Variants in ESR1 observed in about 807,000 individuals in gnomAD.
The protein encoded by ESR1 is estrogen receptor.
A neutral mutation model predicts 52.7 loss-of-function variants in ESR1; 12 were observed. The ratio of observed to expected loss-of-function variants is 0.23; its 90% CI spans 0.15 to 0.37. The LOEUF (loss-of-function observed/expected upper bound fraction) is 0.37. Ranked by LOEUF, ESR1 falls within the 10% of genes least tolerant of loss-of-function variation. The probability of loss-of-function intolerance (pLI) is 1.00; values close to 1 mark genes in which losing one functional copy is unlikely to be tolerated. For missense variants in ESR1, 584 were observed against 779.7 expected (o/e 0.75, Z 2.99); for synonymous variants, 305 against 316.8 (o/e 0.96, Z 0.39).
intron 2 of ESR1, among the ~76,000 whole-genome samples, chr6:151,861,633 G>A (rs907719866): frequency 3.3e-5 from 5 of 152,156 alleles, no homozygotes; most frequent in African/African-American, 1.2e-4. Flanking sequence ...GTTCATCTGG[G>A]TTAGGGTCTC....
At chr6:151,793,264 G>A (rs1452803757) in intron 2 of ESR1, among the ~76,000 whole-genome samples, 1 of 151,782 alleles carries the variant, frequency 6.6e-6, no homozygotes, top group Admixed American at 6.6e-5. Context: ...GATCATCAAT[G>A]TCACTGTCTT....
At position 152,023,866 on chromosome 6, in the gene ESR1, A is replaced by G. The variant is rs1021031681; in HGVS notation, c.1235+12072A>G. 3.3e-5 allele frequency among the ~76,000 whole-genome samples: 5 copies of G among 152,298 alleles called. No individual in the cohort carries two copies. In the East Asian group the frequency reaches 9.6e-4, roughly 29 times the overall value. The stretch of plus-strand genomic sequence containing the variant: ...AGTTAGCCTCATAGCAGGGGTTGGC[A>G]TACTTTAGCCTGCTTACCAAATACG... On this transcript the variant is annotated intron_variant, in intron 5 of 7. Transcript: ENST00000206249.
chr6:152,077,115 G>T (rs1485584681), intron 6 of ESR1, among the ~76,000 whole-genome samples: 2 of 152,124 alleles, frequency 1.3e-5, no homozygotes, highest in African/African-American at 4.8e-5. Flanking sequence ...AAACAGTTTT[G>T]TGGGCCAGTC....
At chr6:152,128,539 C>T (rs776285090) in exon 7 of ESR1, 11 of 152,134 alleles carry the variant, frequency 7.2e-5, no homozygotes, top group Non-Finnish European at 1.3e-4. Context: ...ATGTAACAGG[C>T]TAGTATAATA....
chr6:152,104,796 G>C (rs2051042977), downstream of ESR1, among the ~76,000 whole-genome samples: 1 of 152,144 alleles, frequency 6.6e-6, no homozygotes, highest in Non-Finnish European at 1.5e-5. Context: ...GGCAGCTCCT[G>C]GTGGGCTCCT....
intron 3 of ESR1, among the ~76,000 whole-genome samples, chr6:151,911,140 T>A (rs879540668): frequency 6.6e-6 from 1 of 152,140 alleles, no homozygotes; most frequent in Admixed American, 6.5e-5. Flanking sequence ...CTGGTACCAG[T>A]CTGTGGCCTG....
rs867067114 is a variant in ESR1, at chr6:151,670,436, A to T, written n.73+13673A>T. 9.8e-5 allele frequency among the ~76,000 whole-genome samples: 15 copies of T among 152,322 alleles called. No homozygotes were observed. The South Asian group carries it at 2.9e-3, about 29-fold the overall frequency. On this transcript the variant is annotated intron_variant and non_coding_transcript_variant, in intron 1 of 2. Transcript: ENST00000473497. The stretch of plus-strand genomic sequence containing the variant: ...TTCACCAACGTATAAGCTTCATTAC[A>T]GCAGAGACCTCTTGCCTGGTCATCA...
intron 6 of ESR1, among the ~76,000 whole-genome samples, chr6:152,111,598 A>G (rs924838587): frequency 3.9e-5 from 6 of 152,216 alleles, no homozygotes; most frequent in Admixed American, 1.3e-4. Context: ...CCCGGACTCA[A>G]TGGAGTTTAA....
At chr6:152,037,384 G>A (rs1052812195) in intron 5 of ESR1, among the ~76,000 whole-genome samples, 1 of 152,180 alleles carries the variant, frequency 6.6e-6, no homozygotes, top group Non-Finnish European at 1.5e-5. Context: ...GAAAATGCAA[G>A]TACAAATGCC....
intron 2 of ESR1, among the ~76,000 whole-genome samples, chr6:151,746,924 A>G (rs1783526675): frequency 6.6e-6 from 1 of 152,238 alleles, no homozygotes; most frequent in African/African-American, 2.4e-5. Context: ...TGGTGGCATT[A>G]CATGAATTAA....
intron 2 of ESR1, among the ~76,000 whole-genome samples, chr6:151,765,748 A>G (rs1785002359): frequency 6.6e-6 from 1 of 152,230 alleles, no homozygotes; most frequent in Admixed American, 6.5e-5. Context: ...AACATAGGTC[A>G]GAATCTTTTC....
chr6:151,857,437 C>A (rs564887565), intron 2 of ESR1, among the ~76,000 whole-genome samples: 1 of 151,874 alleles, frequency 6.6e-6, no homozygotes, highest in African/African-American at 2.4e-5. Flanking sequence ...CCTGAGGGGC[C>A]ACTGTATATA....
At chr6:151,891,506 T>C (rs1794695489) in intron 3 of ESR1, among the ~76,000 whole-genome samples, 1 of 152,170 alleles carries the variant, frequency 6.6e-6, no homozygotes, top group Non-Finnish European at 1.5e-5. Flanking sequence ...GTTTCAGTGG[T>C]TGTGATCAGG....
intron 4 of ESR1, among the ~76,000 whole-genome samples, chr6:151,958,989 T>TGTGTGTGTGTGTGTGTGTGTGTGC (rs1194139921): frequency 6.6e-6 from 1 of 151,982 alleles, no homozygotes; most frequent in African/African-American, 2.4e-5. Flanking sequence ...TGTGTGTGTG[T>TGTGTGTGTGTGTGTGTGTGTGTGC]GTGTGCGTGT....
At chr6:152,031,510 C>T (rs2044701215) in intron 5 of ESR1, among the ~76,000 whole-genome samples, 1 of 152,132 alleles carries the variant, frequency 6.6e-6, no homozygotes, top group African/African-American at 2.4e-5. Flanking sequence ...ACTATAAACA[C>T]CTCTACACAA....
chr6:151,878,247 G>A (rs1792198538), intron 2 of ESR1, among the ~76,000 whole-genome samples: 1 of 152,224 alleles, frequency 6.6e-6, no homozygotes, highest in African/African-American at 2.4e-5. Context: ...CATCTGCACA[G>A]ATAAGTTTTG....
chr6:151,932,296 G>T (rs1289132316), intron 3 of ESR1, among the ~76,000 whole-genome samples: 4 of 148,740 alleles, frequency 2.7e-5, no homozygotes, highest in South Asian at 4.3e-4. Context: ...TTTTTGATGG[G>T]GTTGTTTGTT....
At chr6:151,932,593 C>T (rs1437183288) in intron 3 of ESR1, among the ~76,000 whole-genome samples, 6 of 122,692 alleles carry the variant, frequency 4.9e-5, no homozygotes, top group East Asian at 4.5e-4. Flanking sequence ...TTAGGTCTAA[C>T]GTTTAAATCT....
At chr6:151,903,834 G>C (rs1797053513) in intron 3 of ESR1, among the ~76,000 whole-genome samples, 1 of 152,164 alleles carries the variant, frequency 6.6e-6, no homozygotes, top group Non-Finnish European at 1.5e-5. Flanking sequence ...TCCAGATCAA[G>C]TTGAGCCAAG....
Sources: gnomAD v4.1 joint callset for allele counts (sites outside exome capture counted in the v4.1 genomes callset) on GRCh38, gnomAD v4.1.1 for gene constraint, MANE v1.5 for transcripts, NCBI Gene and HGNC (gene_info 2026-07-23, HGNC 2026-07-21) for gene names.